PTPRT: variants seen among roughly 807,000 people sequenced by gnomAD.
PTPRT encodes receptor-type tyrosine-protein phosphatase T.
A neutral mutation model predicts 176.8 loss-of-function variants in PTPRT; 56 were observed. That is an observed-to-expected ratio of 0.32 (90% CI 0.26 to 0.40). The LOEUF is 0.40. Among genes scored for constraint, PTPRT ranks in the 10% least tolerant of loss-of-function variants. The pLI, the probability that PTPRT is intolerant of heterozygous loss-of-function variation, is 1.00. For synonymous variants in PTPRT, 783 were observed against 739.0 expected, an observed-to-expected ratio of 1.06 and a Z score of -0.96; for missense variants, 1,540 against 1,908.2, an observed-to-expected ratio of 0.81 and a Z score of 3.60.
At chr20:42,990,377 G>A (rs1240572989) in intron 1 of PTPRT, among the ~76,000 whole-genome samples, 2 of 152,146 alleles carry the variant, frequency 1.3e-5, no homozygotes, top group African/African-American at 4.8e-5. Flanking sequence ...AAGATGTTAA[G>A]TTAATAAGTG....
At chr20:42,762,410 T>G (rs1262099087) in intron 5 of PTPRT, among the ~76,000 whole-genome samples, 1 of 151,530 alleles carries the variant, frequency 6.6e-6, no homozygotes, top group African/African-American at 2.5e-5. Flanking sequence ...AAAGCTGATG[T>G]CCTCTTAAGT....
At chr20:42,105,472 T>C (rs73131104) in intron 24 of PTPRT, among the ~76,000 whole-genome samples, 5,438 of 152,302 alleles carry the variant, frequency 0.036, 165 homozygotes, top group Middle Eastern at 0.068. Flanking sequence ...TAATGTTTCA[T>C]TCTTTCTGGA....
intron 15 of PTPRT, among the ~76,000 whole-genome samples, chr20:42,231,876 C>T (rs530220706): frequency 1.3e-5 from 2 of 152,268 alleles, no homozygotes; most frequent in East Asian, 3.9e-4. Context: ...CCACTGTTCT[C>T]ATGTAGGGAT....
chr20:42,206,751 C>G (rs1600675872), intron 15 of PTPRT, among the ~76,000 whole-genome samples: 2 of 152,368 alleles, frequency 1.3e-5, no homozygotes, highest in South Asian at 4.1e-4. Context: ...AACAAAGCAG[C>G]CCGGAAGCTC....
intron 2 of PTPRT, among the ~76,000 whole-genome samples, chr20:42,821,717 G>T (rs867606093): frequency 6.6e-6 from 1 of 151,924 alleles, no homozygotes; most frequent in South Asian, 2.1e-4. Flanking sequence ...GCAAAGTCTC[G>T]GGATACAAAA....
At chr20:42,877,202 T>A (rs1191939394) in intron 2 of PTPRT, among the ~76,000 whole-genome samples, 1 of 151,464 alleles carries the variant, frequency 6.6e-6, no homozygotes, top group Non-Finnish European at 1.5e-5. Flanking sequence ...GTCCAGCAAC[T>A]TTGTAGCACA....
intron 2 of PTPRT, among the ~76,000 whole-genome samples, chr20:42,821,695 T>G (rs1407921420): frequency 2.0e-5 from 3 of 152,134 alleles, no homozygotes; most frequent in African/African-American, 7.2e-5. Context: ...CTTGAACTGA[T>G]AAGCAACTTC....
chr20:42,839,422 T>C (rs753220839), intron 2 of PTPRT, among the ~76,000 whole-genome samples: 3 of 151,606 alleles, frequency 2.0e-5, no homozygotes, highest in Non-Finnish European at 4.4e-5. Flanking sequence ...TCATGCATAA[T>C]AAGAAATGGC....
rs148201802 is a variant in PTPRT at position 42,102,328 on chromosome 20, C to T, written c.3541-31G>A. ...GGGCACAAAGGTGAATAGATAGGCC[C>T]TGCTCATTTGGCTGCCCCTGAGCAA... On this transcript the variant is annotated intron_variant, in intron 25 of 30. Coordinates refer to ENST00000373187, the MANE Select transcript of PTPRT (RefSeq NM_007050.6). 1,093 of 1,598,800 alleles carry T rather than the reference C, an allele frequency of 6.8e-4. 7 individuals are homozygous for T. In the African/African-American group the frequency reaches 0.013, roughly 19 times the overall value.
intron 9 of PTPRT, among the ~76,000 whole-genome samples, chr20:42,400,437 GA>G (rs2058893637): frequency 6.6e-6 from 1 of 152,106 alleles, no homozygotes; most frequent in Non-Finnish European, 1.5e-5. Context: ...CTAGAGAGGA[GA>G]TGGTATTTAA....
At chr20:43,077,730 A>T (rs73101999) in intron 1 of PTPRT, among the ~76,000 whole-genome samples, 1 of 152,278 alleles carries the variant, frequency 6.6e-6, no homozygotes, top group Non-Finnish European at 1.5e-5. Flanking sequence ...GAAGGATCCC[A>T]ACTCCCAGTA....
At chr20:42,870,523 G>A (rs143254913) in intron 2 of PTPRT, among the ~76,000 whole-genome samples, 59 of 152,268 alleles carry the variant, frequency 3.9e-4, no homozygotes, top group African/African-American at 1.3e-3. Flanking sequence ...ATACTGTCAC[G>A]TGCAGCATAA....
chr20:43,116,237 G>A (rs536885174), intron 1 of PTPRT, among the ~76,000 whole-genome samples: 41 of 152,192 alleles, frequency 2.7e-4, no homozygotes, highest in Middle Eastern at 6.8e-3. Context: ...CTCAAATGCC[G>A]CATGGAACCA....
intron 2 of PTPRT, 45 bp from the exon 3 acceptor site, chr20:42,791,511 TA>T: frequency 6.5e-7 from 1 of 1,545,338 alleles, no homozygotes; most frequent in South Asian, 1.2e-5. Flanking sequence ...AAAGAGAAAG[TA>T]AGAAAATCCT....
At chr20:43,116,551 A>T (rs1310399060) in intron 1 of PTPRT, among the ~76,000 whole-genome samples, 1 of 152,172 alleles carries the variant, frequency 6.6e-6, no homozygotes, top group East Asian at 1.9e-4. Flanking sequence ...TTATTCACAT[A>T]ATGTCTACTC....
intron 20 of PTPRT, among the ~76,000 whole-genome samples, chr20:42,118,740 G>A (rs976140794): frequency 2.0e-5 from 3 of 152,042 alleles, no homozygotes; most frequent in African/African-American, 7.2e-5. Context: ...GCATCTACTG[G>A]AAATGTTGGC....
intron 6 of PTPRT, among the ~76,000 whole-genome samples, chr20:42,696,354 C>T (rs2075876191): frequency 6.7e-6 from 1 of 149,816 alleles, no homozygotes. Context: ...GTTCTCCTTT[C>T]TCTGTTTCCT....
At chr20:42,935,073 T>C (rs1278166270) in intron 1 of PTPRT, among the ~76,000 whole-genome samples, 2 of 121,004 alleles carry the variant, frequency 1.7e-5, no homozygotes, top group Non-Finnish European at 3.3e-5. Context: ...CAAGACTTCA[T>C]CTCAAAAAAA....
At position 43,148,280 on chromosome 20, in the gene PTPRT, G is replaced by A. The variant is rs549509665; in HGVS notation, c.88+41366C>T. Among the ~76,000 whole-genome samples, 13 of 152,186 alleles carry A rather than the reference G, an allele frequency of 8.5e-5. No individual in the cohort carries two copies. In the East Asian group the frequency reaches 1.2e-3, roughly 14 times the overall value. ...GCACATTTGTCACTCTGCCTGGAAC[G>A]GTTCTCACCAACCCTCCATCGCATC... On this transcript the variant is annotated intron_variant, in intron 1 of 30. Coordinates refer to ENST00000373187, the MANE Select transcript of PTPRT (RefSeq NM_007050.6).
Sources: gnomAD v4.1 joint callset for allele counts (sites outside exome capture counted in the v4.1 genomes callset) on GRCh38, gnomAD v4.1.1 for gene constraint, MANE v1.5 for transcripts, NCBI Gene and HGNC (gene_info 2026-07-23, HGNC 2026-07-21) for gene names.